FCHO2: variants seen among roughly 807,000 people sequenced by gnomAD.
FCHO2 encodes F-BAR domain only protein 2.
Under a neutral mutation model 114.1 loss-of-function variants are expected in FCHO2, and 43 were observed. The ratio of observed to expected loss-of-function variants is 0.38; its 90% CI spans 0.30 to 0.49. FCHO2 has a LOEUF of 0.49. Ranked by LOEUF, FCHO2 falls within the 20% of genes least tolerant of loss-of-function variation. The pLI, the probability that FCHO2 is intolerant of heterozygous loss-of-function variation, is 0.97. For synonymous variants in FCHO2, 293 were observed against 315.2 expected (o/e 0.93, Z 0.75); for missense variants, 807 against 950.4 (o/e 0.85, Z 1.98).
chr5:73,017,371 G>A, intron 8 of FCHO2, 63 bp downstream of exon 8: 2 of 1,034,454 alleles, frequency 1.9e-6, no homozygotes, highest in Admixed American at 2.8e-5. Context: ...TAACATATTT[G>A]CCTTGAAGAT....
chr5:72,997,224 G>T, intron 5 of FCHO2: 2 of 1,155,576 alleles, frequency 1.7e-6, no homozygotes, highest in South Asian at 2.4e-5. Flanking sequence ...CATCCTGTCC[G>T]TTTCTTTGTA....
At position 73,049,018 on chromosome 5, in the gene FCHO2, AGGC is replaced by A. The variant is rs1757216052; in HGVS notation, c.940-2329_940-2327del. Among the ~76,000 whole-genome samples the A allele has an allele frequency of 2.0e-5, 3 of 150,904 alleles. No individual in the cohort carries two copies. The South Asian group carries it at 6.3e-4, about 32-fold the overall frequency. On this transcript the variant is annotated intron_variant, in intron 11 of 25. Transcript: ENST00000430046. ...CAGCCTCCCGAGTAGCTGGGACTACAGGCGCCCGCTACCACGCCCGGCTAATTT... is the reference window on the plus strand; with the variant it reads ...CAGCCTCCCGAGTAGCTGGGACTACAGCCCGCTACCACGCCCGGCTAATTT...
intron 24 of FCHO2, among the ~76,000 whole-genome samples, chr5:73,085,693 T>C (rs557395505): frequency 2.5e-4 from 38 of 152,102 alleles, no homozygotes; most frequent in African/African-American, 8.9e-4. Context: ...GAGTCTAGCT[T>C]GAACCTGGGA....
At position 73,059,282 on chromosome 5, in the gene FCHO2, A is replaced by G. The variant is rs189313665; in HGVS notation, c.1345+758A>G. ...ATGCGGGAAGAACTTAAATCTGTCTAGTTCATGCTAGGTAACTTTGTTAGG... is the reference window on the plus strand; with the variant it reads ...ATGCGGGAAGAACTTAAATCTGTCTGGTTCATGCTAGGTAACTTTGTTAGG... On this transcript the variant is annotated intron_variant, in intron 17 of 25. Coordinates refer to ENST00000430046, the MANE Select transcript of FCHO2 (RefSeq NM_138782.3). Among the ~76,000 whole-genome samples, 26 of 152,328 alleles carry G rather than the reference A, an allele frequency of 1.7e-4. No homozygotes were observed. The East Asian group carries it at 4.1e-3, about 24-fold the overall frequency.
At chr5:72,956,521 G>T (rs1010498179) in intron 1 of FCHO2, among the ~76,000 whole-genome samples, 3 of 151,994 alleles carry the variant, frequency 2.0e-5, no homozygotes, top group Non-Finnish European at 2.9e-5. Context: ...CCCGCTGCGC[G>T]CTGGCTGGGA....
chr5:73,036,152 G>A (rs890509925), intron 9 of FCHO2, among the ~76,000 whole-genome samples: 1 of 151,730 alleles, frequency 6.6e-6, no homozygotes, highest in Non-Finnish European at 1.5e-5. Flanking sequence ...GGCCTTAAGT[G>A]CTGAATTCTA....
chr5:73,000,569 A>C (rs1754382596), intron 5 of FCHO2, among the ~76,000 whole-genome samples: 1 of 148,852 alleles, frequency 6.7e-6, no homozygotes, highest in Admixed American at 6.7e-5. Flanking sequence ...TGAGATTGGG[A>C]GTTTGAGACC....
chr5:72,974,997 A>G (rs985857149), intron 2 of FCHO2, among the ~76,000 whole-genome samples: 1 of 152,120 alleles, frequency 6.6e-6, no homozygotes, highest in Non-Finnish European at 1.5e-5. Flanking sequence ...TTCGGGGTTG[A>G]AAATTCTTTT....
chr5:73,007,611 A>T (rs951872239), intron 6 of FCHO2, among the ~76,000 whole-genome samples: 1 of 152,192 alleles, frequency 6.6e-6, no homozygotes, highest in African/African-American at 2.4e-5. Flanking sequence ...TAGAAAGCGA[A>T]GTCTTGCATA....
Position 73,073,995 on chromosome 5 carries a change from T to C in FCHO2, c.1580-747T>C, listed in dbSNP as rs191503586. Reference sequence around the variant, plus strand: ...GGCACGCAGTGGTAAGAAGAGTGCGTTTGTGAAGAAAAACAAAGGCAATGC... The same window carrying C: ...GGCACGCAGTGGTAAGAAGAGTGCGCTTGTGAAGAAAAACAAAGGCAATGC... On this transcript the variant is annotated intron_variant, in intron 19 of 25. Coordinates refer to ENST00000430046, the MANE Select transcript of FCHO2 (RefSeq NM_138782.3). Among the ~76,000 whole-genome samples the C allele has an allele frequency of 2.0e-3, 302 of 152,170 alleles. 3 individuals carry two copies. Among genetic ancestry groups the C allele is most frequent in the African/African-American group, 7.0e-3 (292 of 41,558 alleles).
intron 5 of FCHO2, among the ~76,000 whole-genome samples, chr5:73,003,106 C>T (rs1274890456): frequency 6.6e-6 from 1 of 152,046 alleles, no homozygotes; most frequent in African/African-American, 2.4e-5. Context: ...CTCTGGGGCT[C>T]AAGTGATTCC....
At chr5:73,051,299 A>C in intron 11 of FCHO2, 50 bp from the exon 12 acceptor site, 1 of 1,266,370 alleles carries the variant, frequency 7.9e-7, no homozygotes. Flanking sequence ...ATCTCTAATA[A>C]TTTTGTACAT....
intron 8 of FCHO2, among the ~76,000 whole-genome samples, chr5:73,022,365 A>G (rs910153191): frequency 3.3e-5 from 5 of 152,092 alleles, no homozygotes; most frequent in African/African-American, 1.2e-4. Context: ...AGCCAATTTT[A>G]TTTTGATTTG....
intron 5 of FCHO2, among the ~76,000 whole-genome samples, chr5:73,004,584 C>CA (rs2112710423): frequency 6.6e-6 from 1 of 152,086 alleles, no homozygotes; most frequent in East Asian, 1.9e-4. Flanking sequence ...AACTGTATGC[C>CA]AGACCCTATT....
At chr5:73,012,170 CA>C (rs1416872691) in intron 6 of FCHO2, among the ~76,000 whole-genome samples, 4 of 152,172 alleles carry the variant, frequency 2.6e-5, no homozygotes, top group Admixed American at 2.6e-4. Flanking sequence ...AGCATCACCA[CA>C]AACGTGAGTA....
intron 11 of FCHO2, among the ~76,000 whole-genome samples, chr5:73,044,184 G>A (rs1451989767): frequency 1.3e-5 from 2 of 152,154 alleles, no homozygotes; most frequent in South Asian, 2.1e-4. Flanking sequence ...TGTACAGCCT[G>A]TAGAACTGTG....
intron 18 of FCHO2, among the ~76,000 whole-genome samples, chr5:73,067,230 A>T (rs994453813): frequency 6.6e-6 from 1 of 152,064 alleles, no homozygotes; most frequent in African/African-American, 2.4e-5. Context: ...AAAAAAAATT[A>T]AAAAGGCAGT....
chr5:73,017,977 A>G (rs1755395117), intron 8 of FCHO2, among the ~76,000 whole-genome samples: 1 of 152,146 alleles, frequency 6.6e-6, no homozygotes, highest in Non-Finnish European at 1.5e-5. Flanking sequence ...CCTGCTCAGC[A>G]TACTTACAGT....
intron 6 of FCHO2, among the ~76,000 whole-genome samples, chr5:73,010,754 A>G (rs1421142862): frequency 2.0e-5 from 3 of 151,906 alleles, no homozygotes; most frequent in East Asian, 3.9e-4. Flanking sequence ...GTGCACGCCT[A>G]TAATCCCAGT....
Sources: gnomAD v4.1 joint callset for allele counts (sites outside exome capture counted in the v4.1 genomes callset) on GRCh38, gnomAD v4.1.1 for gene constraint, MANE v1.5 for transcripts, NCBI Gene and HGNC (gene_info 2026-07-23, HGNC 2026-07-21) for gene names.